Variants in CNGB3 observed in about 807,000 individuals in gnomAD.
CNGB3 encodes cyclic nucleotide-gated channel beta-3.
Under a neutral mutation model 92.8 loss-of-function variants are expected in CNGB3, and 86 were observed. The observed-to-expected ratio is 0.93, with a 90% CI of 0.78 to 1.11. CNGB3 has a LOEUF of 1.11. Ranked by LOEUF, CNGB3 falls within the 50% of genes least tolerant of loss-of-function variation. The probability of loss-of-function intolerance (pLI) is 0.00; values close to 1 mark genes in which losing one functional copy is unlikely to be tolerated. For synonymous variants in CNGB3, 333 were observed against 332.7 expected (o/e 1.00, Z -0.01); for missense variants, 1,026 against 956.8 (o/e 1.07, Z -0.95).
chr8:86,716,147 G>A (rs1209945970), intron 3 of CNGB3, among the ~76,000 whole-genome samples: 3 of 152,048 alleles, frequency 2.0e-5, no homozygotes, highest in African/African-American at 7.2e-5. Context: ...GCTCAAAGAC[G>A]AGGCTTTCAA....
chr8:86,594,456 C>T lies in CNGB3; in HGVS notation c.1781+9637G>A, dbSNP rs145787752. 7.9e-5 allele frequency: 22 copies of T among 280,158 alleles called. No individual in the cohort carries two copies. In the East Asian group the frequency reaches 2.5e-3, roughly 32 times the overall value. The allele number at this position is 280,158 out of a possible 1,614,324, so 17.4% of individuals were successfully genotyped here. Reference sequence around the variant, plus strand: ...GTGTGGTGCATGTTCATGAGCTTGTCGGTGGTAAAGACGTGGTCCAGGAGG... The same window carrying T: ...GTGTGGTGCATGTTCATGAGCTTGTTGGTGGTAAAGACGTGGTCCAGGAGG... On this transcript the variant is annotated intron_variant, in intron 15 of 17. Coordinates refer to ENST00000320005, the MANE Select transcript of CNGB3 (RefSeq NM_019098.5).
chr8:86,589,572 A>G (rs1285282777), intron 15 of CNGB3, among the ~76,000 whole-genome samples: 1 of 151,890 alleles, frequency 6.6e-6, no homozygotes, highest in Non-Finnish European at 1.5e-5. Context: ...GAACATCTTT[A>G]TTTCTGCCTT....
chr8:86,632,215 A>G (rs1822976604), intron 11 of CNGB3, among the ~76,000 whole-genome samples: 2 of 151,804 alleles, frequency 1.3e-5, no homozygotes, highest in African/African-American at 2.4e-5. Flanking sequence ...AAAAAAAAAA[A>G]AAAAGGGCTC....
At chr8:86,667,931 A>G in intron 5 of CNGB3, 88 bp downstream of exon 5, 1 of 1,406,438 alleles carries the variant, frequency 7.1e-7, no homozygotes, top group East Asian at 2.3e-5. Context: ...TGAAGTAAGG[A>G]AAATAGAAGC....
intron 15 of CNGB3, among the ~76,000 whole-genome samples, chr8:86,598,807 C>T (rs1192375003): frequency 6.6e-6 from 1 of 152,100 alleles, no homozygotes; most frequent in Admixed American, 6.5e-5. Flanking sequence ...ACTTGGGGCC[C>T]TTCAAGATAA....
intron 6 of CNGB3, chr8:86,657,539 C>T (rs868790574): frequency 4.1e-5 from 20 of 484,326 alleles, no homozygotes; most frequent in Non-Finnish European, 7.6e-5. Flanking sequence ...AGAACCCTCC[C>T]TGGCCTCTTC....
chr8:86,667,965 G>T, intron 5 of CNGB3, 54 bp downstream of exon 5: 2 of 1,593,086 alleles, frequency 1.3e-6, no homozygotes, highest in Non-Finnish European at 1.7e-6. Flanking sequence ...GAGTCACAGG[G>T]TTTCTTGGTG....
At chr8:86,621,934 T>C (rs1030253699) in intron 13 of CNGB3, among the ~76,000 whole-genome samples, 3 of 152,076 alleles carry the variant, frequency 2.0e-5, no homozygotes, top group Admixed American at 6.6e-5. Flanking sequence ...ATGGTGGCAC[T>C]ACTCAGGAGG....
At chr8:86,713,766 G>A (rs939498563) in intron 3 of CNGB3, among the ~76,000 whole-genome samples, 2 of 152,044 alleles carry the variant, frequency 1.3e-5, no homozygotes, top group Non-Finnish European at 2.9e-5. Flanking sequence ...GTTTACTTAA[G>A]AAATTCTAAA....
chr8:86,623,158 T>C (rs1465712929), intron 13 of CNGB3, among the ~76,000 whole-genome samples: 1 of 152,210 alleles, frequency 6.6e-6, no homozygotes, highest in African/African-American at 2.4e-5. Context: ...TTGAGTCCTT[T>C]GGCTTGAAAT....
chr8:86,673,678 A>C (rs1823909868), intron 3 of CNGB3, among the ~76,000 whole-genome samples: 1 of 152,262 alleles, frequency 6.6e-6, no homozygotes, highest in Non-Finnish European at 1.5e-5. Flanking sequence ...TAATTCAAAG[A>C]AGAAATCAAG....
intron 3 of CNGB3, among the ~76,000 whole-genome samples, chr8:86,708,587 A>G (rs1397301060): frequency 1.6e-3 from 81 of 52,172 alleles, no homozygotes; most frequent in Non-Finnish European, 2.5e-3. Flanking sequence ...TTTTTTTTTG[A>G]GTCAGGGTCT....
intron 3 of CNGB3, among the ~76,000 whole-genome samples, chr8:86,671,855 C>G (rs1300544975): frequency 6.6e-6 from 1 of 152,196 alleles, no homozygotes; most frequent in Non-Finnish European, 1.5e-5. Flanking sequence ...CCTAGTCTGG[C>G]CTGGCCAACA....
intron 2 of CNGB3, 49 bp from the exon 3 acceptor site, chr8:86,726,706 C>T (rs770469023): frequency 3.1e-6 from 5 of 1,605,822 alleles, no homozygotes; most frequent in Non-Finnish European, 3.4e-6. Context: ...ACACTCTTGA[C>T]CCAGCTATAT....
intron 13 of CNGB3, among the ~76,000 whole-genome samples, chr8:86,616,137 G>A (rs1822618157): frequency 6.6e-6 from 1 of 152,136 alleles, no homozygotes. Flanking sequence ...ATAGCTTTCA[G>A]CTGACGGCTT....
chr8:86,643,682 A>T, intron 10 of CNGB3, 69 bp downstream of exon 10: 1 of 1,542,528 alleles, frequency 6.5e-7, no homozygotes, highest in East Asian at 2.3e-5. Context: ...ACTGGCTCTC[A>T]TAAATTCATA....
chr8:86,606,610 A>G (rs1281153074), intron 14 of CNGB3, among the ~76,000 whole-genome samples: 2 of 152,210 alleles, frequency 1.3e-5, no homozygotes, highest in Non-Finnish European at 2.9e-5. Context: ...TGACATTTAC[A>G]TAGCTCCTTA....
At chr8:86,632,040 A>G (rs1162574463) in intron 11 of CNGB3, among the ~76,000 whole-genome samples, 2 of 151,896 alleles carry the variant, frequency 1.3e-5, no homozygotes, top group African/African-American at 2.4e-5. Context: ...CACCTGTCCT[A>G]CAAAAAAAAT....
At chr8:86,705,479 G>A (rs1248394250) in intron 3 of CNGB3, among the ~76,000 whole-genome samples, 2 of 152,012 alleles carry the variant, frequency 1.3e-5, no homozygotes, top group African/African-American at 4.8e-5. Flanking sequence ...CATGGCAAAA[G>A]GAATGTTGCA....
Sources: allele counts gnomAD v4.1 joint callset (sites outside exome capture counted in the v4.1 genomes callset), GRCh38; gene constraint gnomAD v4.1.1; transcripts MANE v1.5; gene names NCBI Gene and HGNC (gene_info 2026-07-23, HGNC 2026-07-21).